Variants in HEATR5B observed in about 807,000 individuals in gnomAD.
HEATR5B encodes the protein HEAT repeat-containing protein 5B.
Under a neutral mutation model 224.1 loss-of-function variants are expected in HEATR5B, and 156 were observed. That is an observed-to-expected ratio of 0.70 (90% CI 0.61 to 0.80). The LOEUF (loss-of-function observed/expected upper bound fraction) is 0.80. HEATR5B is among the 30% of genes least tolerant of loss of function. HEATR5B has a pLI of 0.00. For synonymous variants in HEATR5B, 1,027 were observed against 893.0 expected, an observed-to-expected ratio of 1.15 and a Z score of -2.68; for missense variants, 2,323 against 2,535.5, an observed-to-expected ratio of 0.92 and a Z score of 1.80.
At chr2:37,004,641 T>C (rs549366179) in intron 30 of HEATR5B, among the ~76,000 whole-genome samples, 2 of 152,076 alleles carry the variant, frequency 1.3e-5, no homozygotes, top group Non-Finnish European at 2.9e-5. Flanking sequence ...TCTAGACTCA[T>C]TTCTGTGCTT....
chr2:37,069,069 T>C (rs1468284462), intron 7 of HEATR5B, 139 bp from the exon 8 acceptor site: 1 of 912,082 alleles, frequency 1.1e-6, no homozygotes, highest in Non-Finnish European at 1.6e-6. Context: ...AATTTAAACT[T>C]GAGGTCTTTT....
chr2:37,045,883 C>A (rs1670158730), intron 18 of HEATR5B, among the ~76,000 whole-genome samples: 1 of 152,184 alleles, frequency 6.6e-6, no homozygotes, highest in African/African-American at 2.4e-5. Context: ...TGGCTGTTGT[C>A]CAATGTCTCA....
chr2:36,984,200 C>CCAAAAAAAAAAAAAAA (rs1665776143), intron 35 of HEATR5B, among the ~76,000 whole-genome samples: 1 of 29,018 alleles, frequency 3.4e-5, no homozygotes, highest in African/African-American at 1.6e-4. Context: ...AACTCTGTCT[C>CCAAAAAAAAAAAAAAA]AAAAAAAAAA....
At chr2:36,996,064 CTTTTTT>C (rs371199948) in intron 33 of HEATR5B, among the ~76,000 whole-genome samples, 2 of 137,424 alleles carry the variant, frequency 1.5e-5, no homozygotes, top group Non-Finnish European at 1.6e-5. Context: ...TAATGCAATT[CTTTTTT>C]TTTTTTTTTG....
In HEATR5B at chr2:37,041,716, G is replaced by T. The variant is rs1669883331; in HGVS notation, c.2697-424C>A. On this transcript the variant is annotated intron_variant, in intron 18 of 35. Coordinates refer to ENST00000233099, the MANE Select transcript of HEATR5B (RefSeq NM_019024.3). ...GCTGTGATCACGCCACTGCACTCCA[G>T]CCTGGGTGATAGAGCAGGACCCTGT... Among the ~76,000 whole-genome samples, 3 of 151,898 alleles carry T rather than the reference G, an allele frequency of 2.0e-5. No homozygotes were observed. The South Asian group carries it at 6.2e-4, about 32-fold the overall frequency.
At chr2:37,043,741 A>G (rs938469708) in intron 18 of HEATR5B, among the ~76,000 whole-genome samples, 1 of 152,248 alleles carries the variant, frequency 6.6e-6, no homozygotes, top group Non-Finnish European at 1.5e-5. Context: ...CATCACTTAC[A>G]AAAGTGTCTT....
intron 22 of HEATR5B, among the ~76,000 whole-genome samples, chr2:37,032,193 T>A (rs185927793): frequency 5.3e-5 from 8 of 152,298 alleles, no homozygotes; most frequent in Non-Finnish European, 8.8e-5. Flanking sequence ...TAAATACTTT[T>A]CAGTTTTTTT....
chr2:37,066,358 A>G (rs1163911552), intron 8 of HEATR5B, among the ~76,000 whole-genome samples: 1 of 152,254 alleles, frequency 6.6e-6, no homozygotes, highest in African/African-American at 2.4e-5. Flanking sequence ...AAGTCAGTGC[A>G]TATAAAGAAT....
chr2:37,026,540 T>C (rs1668787472), intron 24 of HEATR5B, among the ~76,000 whole-genome samples: 1 of 152,186 alleles, frequency 6.6e-6, no homozygotes, highest in South Asian at 2.1e-4. Flanking sequence ...GTTCTCAAAG[T>C]ACTCTAACAT....
chr2:37,071,842 G>C (rs1285947742), intron 6 of HEATR5B, among the ~76,000 whole-genome samples: 1 of 152,004 alleles, frequency 6.6e-6, no homozygotes, highest in Non-Finnish European at 1.5e-5. Context: ...ATGACACCAT[G>C]CCTGGCTAAT....
At position 37,067,208 on chromosome 2, in the gene HEATR5B, GA is replaced by G. The variant is rs575831189; in HGVS notation, c.1178-1299del. Reference sequence around the variant, plus strand: ...TTGTTTTTAGGTATTTCTGGACTTGGAAATGCATAAACTCTAGCTTTTGATT... The same window carrying G: ...TTGTTTTTAGGTATTTCTGGACTTGGAATGCATAAACTCTAGCTTTTGATT... On this transcript the variant is annotated intron_variant, in intron 8 of 35. Transcript: ENST00000233099. Among the ~76,000 whole-genome samples, 4 of 152,142 alleles carry G rather than the reference GA, an allele frequency of 2.6e-5. No homozygotes were observed. In the South Asian group the frequency reaches 6.2e-4, roughly 24 times the overall value.
intron 27 of HEATR5B, among the ~76,000 whole-genome samples, chr2:37,009,345 C>G (rs1334095798): frequency 6.6e-6 from 1 of 150,422 alleles, no homozygotes; most frequent in Non-Finnish European, 1.5e-5. Context: ...CTTTGAGAAG[C>G]TGGGAATCAC....
At position 37,022,912 on chromosome 2, in the gene HEATR5B, A is replaced by T. The variant is rs1668550912; in HGVS notation, c.3854-2076T>A. ...AAATTTACAGGGTCTGACATCTAATAAAAAATTACCAAGAATGCAAAGAAG... is the reference window on the plus strand; with the variant it reads ...AAATTTACAGGGTCTGACATCTAATTAAAAATTACCAAGAATGCAAAGAAG... On this transcript the variant is annotated intron_variant, in intron 24 of 35. Transcript: ENST00000233099. 2.0e-5 allele frequency among the ~76,000 whole-genome samples: 3 copies of T among 152,316 alleles called. No homozygotes were observed. The East Asian group carries it at 5.8e-4, about 29-fold the overall frequency.
intron 33 of HEATR5B, among the ~76,000 whole-genome samples, chr2:36,992,722 T>G (rs1666414124): frequency 6.6e-6 from 1 of 152,198 alleles, no homozygotes; most frequent in Non-Finnish European, 1.5e-5. Flanking sequence ...TTATTTTATA[T>G]TCATTTTTTA....
chr2:37,045,722 C>G (rs1670150245), intron 18 of HEATR5B, among the ~76,000 whole-genome samples: 1 of 152,176 alleles, frequency 6.6e-6, no homozygotes, highest in Non-Finnish European at 1.5e-5. Flanking sequence ...ATTCTAGCTA[C>G]CTTGCCTCCC....
Position 37,057,417 on chromosome 2 carries a change from T to A in HEATR5B, c.2123A>T (p.Asn708Ile). ...AEFTLTDNSA[N>I]TTTSLLRSLC... ...GGATCTGAGGAGGGAAGTAGTTGTG[T>A]TGGCTGAGTTGTCAGTCAAAGTGAA... Residue 708 changes from asparagine (N) to isoleucine (I), a missense_variant, in exon 15 of 36, where the codon AAC becomes ATC. This residue lies in a region of HEATR5B where 502 missense variants were observed against 517.8 expected (regional missense o/e 0.97). Coordinates refer to ENST00000233099, the MANE Select transcript of HEATR5B (RefSeq NM_019024.3). The A allele has an allele frequency of 6.2e-7, 1 of 1,611,738 alleles. No homozygotes were observed. The highest frequency in any genetic ancestry group is 2.2e-5 in the East Asian group (1 of 44,678).
chr2:37,058,452 T>A lies in HEATR5B; in HGVS notation c.2058A>T (p.Glu686Asp). The A allele has an allele frequency of 6.3e-7, 1 of 1,583,154 alleles. No homozygotes were observed. Among genetic ancestry groups the A allele is most frequent in the Non-Finnish European group, 8.7e-7 (1 of 1,152,704 alleles). Reference protein sequence around the residue: ...ILALLPPKTYEGSFNALLREL... With the variant: ...ILALLPPKTYDGSFNALLREL... ...AGATACCACAAATTTTTAATTTACC[T>A]TCATAAGTTTTTGGAGGTAACAAAG... The change falls in exon 14 of 36, where the codon GAA becomes GAT. Residue 686 changes from glutamate (E) to aspartate (D), a missense_variant and splice_region_variant. Physicochemically the swap from Glu to Asp is conservative, Grantham distance 45 (BLOSUM62 2). Coordinates refer to ENST00000233099, the MANE Select transcript of HEATR5B (RefSeq NM_019024.3).
At position 37,064,989 on chromosome 2, in the gene HEATR5B, C is replaced by T. The variant is rs1295811240; in HGVS notation, c.1335G>A (p.Gly445=). The T allele has an allele frequency of 1.2e-6, 2 of 1,613,368 alleles. No individual in the cohort carries two copies. The change falls in exon 10 of 36, where the codon GGG becomes GGA. Residue 445 remains glycine, a splice_region_variant and synonymous_variant. Transcript: ENST00000233099. ...ASPLIQEASI[G]LLEIVTSVLL... ...GCACTGAAGTCACAATCTCCAAAAG[C>T]CCTAAACAAGAAATACTCAAAATAT...
intron 22 of HEATR5B, 95 bp from the exon 23 acceptor site, chr2:37,029,015 A>T: frequency 8.3e-7 from 1 of 1,211,034 alleles, no homozygotes; most frequent in Non-Finnish European, 1.2e-6. Context: ...ATATAAATTC[A>T]CAACAGCCAC....
Sources: allele counts gnomAD v4.1 joint callset (sites outside exome capture counted in the v4.1 genomes callset), GRCh38; gene constraint gnomAD v4.1.1; regional missense constraint gnomAD v4.1.1; transcripts MANE v1.5; gene names NCBI Gene and HGNC (gene_info 2026-07-23, HGNC 2026-07-21).